The following ABCE1 variants were observed in gnomAD, a reference collection of about 807,000 sequenced individuals.
ABCE1 encodes ATP binding cassette subfamily E member 1, also known as ATP-binding cassette sub-family E member 1.
In ABCE1, 22 loss-of-function variants were observed where a neutral mutation model predicts 83.4. The observed-to-expected ratio is 0.26, with a 90% CI of 0.19 to 0.38. ABCE1 has a LOEUF of 0.38. ABCE1 is among the 10% of genes least tolerant of loss of function. ABCE1 has a pLI of 1.00. For synonymous variants in ABCE1, 204 were observed against 233.7 expected (o/e 0.87, Z 1.16); for missense variants, 330 against 721.9 (o/e 0.46, Z 6.22).
rs1308876299 is a variant in ABCE1, at chr4:145,105,702, T to G, written c.189+12T>G. 6.5e-7 allele frequency: 1 copy of G among 1,541,654 alleles called. No homozygotes were observed. The highest frequency in any genetic ancestry group is 8.9e-7 in the Non-Finnish European group (1 of 1,121,280). On this transcript the variant is annotated intron_variant, in intron 3 of 17. Transcript: ENST00000296577. ...GTATCTGTATTAAGGTAAGTAATATTTTATTTACTGGATCAAACGTGTAAC... is the reference window on the plus strand; with the variant it reads ...GTATCTGTATTAAGGTAAGTAATATGTTATTTACTGGATCAAACGTGTAAC...
intron 7 of ABCE1, 125 bp downstream of exon 7, chr4:145,110,569 G>A (rs1749442558): frequency 1.0e-5 from 9 of 875,706 alleles, no homozygotes; most frequent in African/African-American, 1.7e-5. Flanking sequence ...TCTGCCTCCC[G>A]GGTTCAAGCG....
intron 1 of ABCE1, among the ~76,000 whole-genome samples, chr4:145,102,965 C>G (rs1437430216): frequency 2.0e-5 from 3 of 152,008 alleles, no homozygotes; most frequent in Non-Finnish European, 2.9e-5. Flanking sequence ...ACAGGAGGGT[C>G]ATCTGTGAGC....
At chr4:145,127,324 T>G (rs530152482) in intron 17 of ABCE1, among the ~76,000 whole-genome samples, 10 of 152,324 alleles carry the variant, frequency 6.6e-5, no homozygotes, top group Middle Eastern at 6.8e-3. Flanking sequence ...AGTGAGTCAT[T>G]CTAGCATTAG....
intron 7 of ABCE1, 33 bp downstream of exon 7, chr4:145,110,477 T>C (rs1297743677): frequency 6.3e-7 from 1 of 1,587,112 alleles, no homozygotes; most frequent in Admixed American, 1.7e-5. Flanking sequence ...TGTGAATATA[T>C]ATTTATTTAT....
At chr4:145,125,561 G>T (rs544412873) in intron 17 of ABCE1, among the ~76,000 whole-genome samples, 3 of 152,036 alleles carry the variant, frequency 2.0e-5, no homozygotes, top group African/African-American at 7.2e-5. Flanking sequence ...TTTAGTGTGC[G>T]GTAGGCAGCA....
chr4:145,105,646 T>G lies in ABCE1; in HGVS notation c.145T>G (p.Trp49Gly). ...IEVTPQSKIA[W>G]ISETLCIGCG... ...GGTTACACCCCAGAGCAAAATAGCATGGATTTCCGAAACTCTTTGTATTGG... is the reference window on the plus strand; with the variant it reads ...GGTTACACCCCAGAGCAAAATAGCAGGGATTTCCGAAACTCTTTGTATTGG... Residue 49 changes from tryptophan to glycine, a missense_variant, in exon 3 of 18, where the codon TGG becomes GGG. Trp to Gly is a radical substitution (Grantham distance 184). Transcript: ENST00000296577. 1 of 1,609,224 alleles carries G rather than the reference T, an allele frequency of 6.2e-7. No homozygotes were observed. Among genetic ancestry groups the G allele is most frequent in the Non-Finnish European group, 8.5e-7 (1 of 1,176,864 alleles).
In ABCE1 at chr4:145,110,371, G is replaced by C. The variant is rs1225223877; in HGVS notation, c.544-4G>C. On this transcript the variant is annotated splice_polypyrimidine_tract_variant and splice_region_variant and intron_variant, in intron 6 of 17. Coordinates refer to ENST00000296577, the MANE Select transcript of ABCE1 (RefSeq NM_002940.3). ...TAGTAACTGTTTTTGGTATATTGTGGCAGGGGACAGTGGGATCTATTTTGG... is the reference window on the plus strand; with the variant it reads ...TAGTAACTGTTTTTGGTATATTGTGCCAGGGGACAGTGGGATCTATTTTGG... 1.2e-6 allele frequency: 2 copies of C among 1,612,188 alleles called. No individual in the cohort carries two copies. The highest frequency in any genetic ancestry group is 1.7e-6 in the Non-Finnish European group (2 of 1,179,626).
chr4:145,124,729 T>C (rs1239278188), intron 16 of ABCE1, among the ~76,000 whole-genome samples: 6 of 152,206 alleles, frequency 3.9e-5, no homozygotes, highest in Non-Finnish European at 8.8e-5. Flanking sequence ...CTATCTTAAA[T>C]GTTTCTTTCA....
chr4:145,113,796 T>G (rs1211946982), intron 9 of ABCE1, among the ~76,000 whole-genome samples: 1 of 152,116 alleles, frequency 6.6e-6, no homozygotes, highest in African/African-American at 2.4e-5. Flanking sequence ...ATGGTGACAT[T>G]ACAGATTCAC....
At position 145,129,453 on chromosome 4, in the gene ABCE1, AAC is replaced by A. The variant is rs1261243586; in HGVS notation, c.*1882_*1883del. Among the ~76,000 whole-genome samples the A allele has an allele frequency of 6.6e-6, 1 of 152,170 alleles. No homozygotes were observed. The highest frequency in any genetic ancestry group is 2.4e-5 in the African/African-American group (1 of 41,426). The stretch of plus-strand genomic sequence containing the variant: ...AATACTTAAAAAAACAAAAAACTGG[AAC>A]AGTTTATTATACTACCATTTTTGTG... On this transcript the variant is annotated 3_prime_UTR_variant, in exon 18 of 18. Coordinates refer to ENST00000296577, the MANE Select transcript of ABCE1 (RefSeq NM_002940.3).
rs754388435 is a variant in ABCE1 at position 145,110,456 on chromosome 4, T to G, written c.613+12T>G. The G allele has an allele frequency of 2.5e-6, 4 of 1,609,686 alleles. No homozygotes were observed. The highest frequency in any genetic ancestry group is 2.7e-5 in the African/African-American group (2 of 74,736). On this transcript the variant is annotated intron_variant, in intron 7 of 17. Transcript: ENST00000296577. ...ATGTCAGCAGCTTGGTAAGTGTTTA[T>G]TTTTTGTTTGTGTGAATATATATTT...
rs376272835 is a variant in ABCE1 at position 145,110,595 on chromosome 4, C to T, written c.613+151C>T. On this transcript the variant is annotated intron_variant, in intron 7 of 17. Coordinates refer to ENST00000296577, the MANE Select transcript of ABCE1 (RefSeq NM_002940.3). ...GGTTCAAGCGATACTCCTGCCTCAGCCTCCCAAGTAGCTGGGATTACAGGC... is the reference window on the plus strand; with the variant it reads ...GGTTCAAGCGATACTCCTGCCTCAGTCTCCCAAGTAGCTGGGATTACAGGC... 6.8e-5 allele frequency: 50 copies of T among 739,892 alleles called. 1 individual carries two copies. Among genetic ancestry groups the T allele is most frequent in the East Asian group, 5.0e-4 (18 of 36,240 alleles). 45.8% of individuals were successfully genotyped at this position (739,892 alleles called of 1,614,324 possible).
chr4:145,123,423 C>T (rs1360434216), intron 15 of ABCE1, 55 bp from the exon 16 acceptor site: 7 of 1,587,806 alleles, frequency 4.4e-6, no homozygotes, highest in African/African-American at 4.0e-5. Flanking sequence ...CTTAATATAA[C>T]AGTCGAATGT....
chr4:145,112,057 CT>C (rs1749491630), intron 8 of ABCE1, among the ~76,000 whole-genome samples, 181 bp from the exon 9 acceptor site: 2 of 152,084 alleles, frequency 1.3e-5, no homozygotes, highest in Non-Finnish European at 2.9e-5. Context: ...TAATTTTTTC[CT>C]TCTACTTCTG....
chr4:145,123,197 C>CTAAA lies in ABCE1; in HGVS notation c.1375-17_1375-14dup, dbSNP rs757353274. On this transcript the variant is annotated splice_polypyrimidine_tract_variant and intron_variant, in intron 14 of 17. Coordinates refer to ENST00000296577, the MANE Select transcript of ABCE1 (RefSeq NM_002940.3). Reference sequence around the variant, plus strand: ...ATTTTGGATGCCTTTACATGGTTTGCTAAACTCCTCCAATTAGGTGCAGAC... The same window carrying CTAAA: ...ATTTTGGATGCCTTTACATGGTTTGCTAAATAAACTCCTCCAATTAGGTGCAGAC... The CTAAA allele has an allele frequency of 6.3e-7, 1 of 1,595,260 alleles. No individual in the cohort carries two copies. The highest frequency in any genetic ancestry group is 8.5e-7 in the Non-Finnish European group (1 of 1,174,022).
chr4:145,105,312 T>C (rs1749270945), intron 2 of ABCE1, among the ~76,000 whole-genome samples: 1 of 152,100 alleles, frequency 6.6e-6, no homozygotes, highest in African/African-American at 2.4e-5. Flanking sequence ...TTTCAGGATA[T>C]GTCATACTTT....
At chr4:145,111,416 C>T (rs1479522492) in intron 8 of ABCE1, among the ~76,000 whole-genome samples, 22 of 152,166 alleles carry the variant, frequency 1.4e-4, no homozygotes, top group African/African-American at 4.6e-4. Flanking sequence ...CTCCACCTCC[C>T]GGGTTCACGC....
intron 1 of ABCE1, among the ~76,000 whole-genome samples, chr4:145,098,980 C>T (rs978910131): frequency 1.3e-5 from 2 of 152,216 alleles, no homozygotes; most frequent in Admixed American, 6.5e-5. Flanking sequence ...CTCAGAACAG[C>T]GTGTACGCAG....
intron 7 of ABCE1, 96 bp from the exon 8 acceptor site, chr4:145,110,872 G>T: frequency 1.3e-6 from 1 of 763,716 alleles, no homozygotes; most frequent in Non-Finnish European, 2.1e-6. Flanking sequence ...ATTTTCAACT[G>T]AAATAGCATT....
Sources: gnomAD v4.1 joint callset for allele counts (sites outside exome capture counted in the v4.1 genomes callset) on GRCh38, gnomAD v4.1.1 for gene constraint, MANE v1.5 for transcripts, NCBI Gene and HGNC (gene_info 2026-07-23, HGNC 2026-07-21) for gene names.